Variants in KLHL20 observed in about 807,000 individuals in gnomAD.
KLHL20 encodes the protein kelch like family member 20.
KLHL20 carries 29 observed loss-of-function variants against 69.5 expected under a neutral mutation model. That is an observed-to-expected ratio of 0.42 (90% CI 0.31 to 0.57). KLHL20 has a LOEUF of 0.57. KLHL20 is among the 20% of genes least tolerant of loss of function. KLHL20 has a pLI of 0.18. For missense variants in KLHL20, 419 were observed against 776.0 expected, an observed-to-expected ratio of 0.54 and a Z score of 5.47; for synonymous variants, 253 against 265.2, an observed-to-expected ratio of 0.95 and a Z score of 0.45.
chr1:173,781,126 G>A lies in KLHL20; in HGVS notation c.1639-998G>A, dbSNP rs143756617. 6.1e-3 allele frequency among the ~76,000 whole-genome samples: 921 copies of A among 152,084 alleles called. 4 individuals are homozygous for A. The highest frequency in any genetic ancestry group is 0.014 in the Middle Eastern group (4 of 294). ...AAGTGTGGAGGTGTGAAAAATGTAT[G>A]TTATCTTCAGGGACTAGCAGTTAAT... On this transcript the variant is annotated intron_variant, in intron 10 of 11. Transcript: ENST00000209884.
Position 173,785,308 on chromosome 1 carries a change from C to G in KLHL20, c.*61C>G, listed in dbSNP as rs1571947406. ...ATTCTGGGGAGCTTTGACCTTGGAG[C>G]TTTGTACAGCTTGAGAAAACATTAG... On this transcript the variant is annotated 3_prime_UTR_variant, in exon 12 of 12. Coordinates refer to ENST00000209884, the MANE Select transcript of KLHL20 (RefSeq NM_014458.4). 8.9e-7 allele frequency: 1 copy of G among 1,125,904 alleles called. No homozygotes were observed. The highest frequency in any genetic ancestry group is 2.7e-5 in the East Asian group (1 of 37,064). 69.7% of individuals were successfully genotyped at this position (1,125,904 alleles called of 1,614,324 possible).
intron 10 of KLHL20, among the ~76,000 whole-genome samples, chr1:173,781,464 C>T (rs1558227860): frequency 6.6e-6 from 1 of 152,018 alleles, no homozygotes; most frequent in East Asian, 1.9e-4. Context: ...TACAGGTATG[C>T]CCCACCACAC....
intron 3 of KLHL20, among the ~76,000 whole-genome samples, chr1:173,749,230 A>G (rs1290289327): frequency 2.0e-5 from 3 of 152,310 alleles, no homozygotes; most frequent in East Asian, 3.9e-4. Context: ...TCATAAACAT[A>G]CATTTTTAAA....
intron 7 of KLHL20, among the ~76,000 whole-genome samples, chr1:173,764,767 T>G (rs1188639575): frequency 6.6e-6 from 1 of 152,102 alleles, no homozygotes; most frequent in Non-Finnish European, 1.5e-5. Flanking sequence ...ACTACAAATA[T>G]GGTGCCATGT....
intron 10 of KLHL20, among the ~76,000 whole-genome samples, chr1:173,776,771 TG>T (rs1648501315): frequency 6.6e-6 from 1 of 152,204 alleles, no homozygotes; most frequent in African/African-American, 2.4e-5. Context: ...TCTGTTCCAT[TG>T]GTCTATGTGT....
intron 8 of KLHL20, among the ~76,000 whole-genome samples, chr1:173,770,846 T>G (rs1227909179): frequency 6.6e-6 from 1 of 152,066 alleles, no homozygotes; most frequent in African/African-American, 2.4e-5. Context: ...AATCCAAAGT[T>G]ACTTTCCTAT....
At chr1:173,749,561 G>A (rs1673213529) in intron 3 of KLHL20, among the ~76,000 whole-genome samples, 1 of 152,094 alleles carries the variant, frequency 6.6e-6, no homozygotes, top group Non-Finnish European at 1.5e-5. Flanking sequence ...GAAAAGGAGA[G>A]GTAGCATTTT....
chr1:173,744,529 T>G (rs1439446292), intron 3 of KLHL20, among the ~76,000 whole-genome samples: 1 of 141,484 alleles, frequency 7.1e-6, no homozygotes, highest in African/African-American at 2.5e-5. Flanking sequence ...TTATGGTATC[T>G]GGATTTTGAG....
intron 2 of KLHL20, among the ~76,000 whole-genome samples, chr1:173,728,843 C>A (rs1230270915): frequency 2.0e-5 from 3 of 152,128 alleles, no homozygotes; most frequent in African/African-American, 7.2e-5. Flanking sequence ...CAAACACATT[C>A]AAAAGCTAGC....
At chr1:173,725,944 G>A (rs1558181782) in intron 2 of KLHL20, among the ~76,000 whole-genome samples, 1 of 152,180 alleles carries the variant, frequency 6.6e-6, no homozygotes, top group Admixed American at 6.5e-5. Flanking sequence ...AAAGCAGGGC[G>A]AGGCATCACC....
At chr1:173,732,081 C>T (rs1471537341) in intron 2 of KLHL20, among the ~76,000 whole-genome samples, 1 of 151,840 alleles carries the variant, frequency 6.6e-6, no homozygotes, top group Non-Finnish European at 1.5e-5. Flanking sequence ...CCTGTAGTCC[C>T]AGCTACTTGG....
chr1:173,752,827 G>A (rs923236396), intron 4 of KLHL20, among the ~76,000 whole-genome samples: 3 of 152,046 alleles, frequency 2.0e-5, no homozygotes, highest in Non-Finnish European at 2.9e-5. Context: ...GGGTACCATG[G>A]GTCATGTATT....
intron 3 of KLHL20, among the ~76,000 whole-genome samples, chr1:173,742,255 AGT>A (rs1371304592): frequency 6.6e-6 from 1 of 152,246 alleles, no homozygotes; most frequent in Non-Finnish European, 1.5e-5. Flanking sequence ...GATCATTGCT[AGT>A]GTGAGTATAA....
intron 2 of KLHL20, among the ~76,000 whole-genome samples, chr1:173,720,097 G>A (rs1028988305): frequency 6.6e-6 from 1 of 152,150 alleles, no homozygotes; most frequent in Non-Finnish European, 1.5e-5. Flanking sequence ...ACTCCAGCCC[G>A]GATGACAGGG....
At chr1:173,715,794 CCTTTA>C (rs1671441596) in intron 1 of KLHL20, 9 of 476,630 alleles carry the variant, frequency 1.9e-5, no homozygotes, top group Admixed American at 1.4e-4. Flanking sequence ...CTTTCCCTCA[CCTTTA>C]CTTTAATCGT....
intron 8 of KLHL20, among the ~76,000 whole-genome samples, chr1:173,771,442 A>T (rs1001614993): frequency 6.6e-6 from 1 of 152,170 alleles, no homozygotes; most frequent in Non-Finnish European, 1.5e-5. Context: ...TTAACTGTAG[A>T]ACTATGACTA....
chr1:173,776,388 G>C (rs562817604), intron 10 of KLHL20, among the ~76,000 whole-genome samples: 41 of 152,080 alleles, frequency 2.7e-4, no homozygotes, highest in Admixed American at 1.2e-3. Context: ...TCACTTTGTT[G>C]GTTGTTTCCT....
intron 11 of KLHL20, among the ~76,000 whole-genome samples, chr1:173,783,417 G>A (rs1382332138): frequency 6.6e-6 from 1 of 152,146 alleles, no homozygotes; most frequent in African/African-American, 2.4e-5. Flanking sequence ...CTCTAGGAAA[G>A]CCACAACTCT....
chr1:173,779,689 A>G (rs1435005750), intron 10 of KLHL20, among the ~76,000 whole-genome samples: 1 of 152,048 alleles, frequency 6.6e-6, no homozygotes, highest in Non-Finnish European at 1.5e-5. Flanking sequence ...TTCTGAAACA[A>G]TCTCCCCAAA....
Sources: allele counts gnomAD v4.1 joint callset (sites outside exome capture counted in the v4.1 genomes callset), GRCh38; gene constraint gnomAD v4.1.1; transcripts MANE v1.5; gene names NCBI Gene and HGNC (gene_info 2026-07-23, HGNC 2026-07-21).